The following MGRN1 variants were observed in gnomAD, a reference collection of about 807,000 sequenced individuals.
The protein encoded by MGRN1 is mahogunin ring finger 1.
In MGRN1, 29 loss-of-function variants were observed where a neutral mutation model predicts 69.2. The ratio of observed to expected loss-of-function variants is 0.42; its 90% CI spans 0.31 to 0.57. The LOEUF (loss-of-function observed/expected upper bound fraction) is 0.57, where lower values mean the gene tolerates loss of function less well. MGRN1 is among the 20% of genes least tolerant of loss of function. MGRN1 has a pLI of 0.15. For synonymous variants in MGRN1, 470 were observed against 344.2 expected (o/e 1.37, Z -4.04); for missense variants, 998 against 796.2 (o/e 1.25, Z -3.05).
chr16:4,648,471 T>C (rs112900098), intron 1 of MGRN1, among the ~76,000 whole-genome samples: 827 of 72,306 alleles, frequency 0.011, 57 homozygotes, highest in African/African-American at 0.052. Flanking sequence ...CGTGGTCACC[T>C]GGCTCCTCCT....
intron 1 of MGRN1, among the ~76,000 whole-genome samples, chr16:4,647,459 G>GTTCT (rs906276384): frequency 6.6e-6 from 1 of 152,224 alleles, no homozygotes; most frequent in Non-Finnish European, 1.5e-5. Flanking sequence ...TACTGCAGGT[G>GTTCT]TTCTTTCTTT....
chr16:4,668,204 G>T, intron 7 of MGRN1, 61 bp from the exon 8 acceptor site: 2 of 1,545,248 alleles, frequency 1.3e-6, no homozygotes, highest in South Asian at 2.3e-5. Context: ...AGGCGGCCAC[G>T]CAGGGGTGCT....
chr16:4,627,915 C>T (rs1429931270), intron 1 of MGRN1, among the ~76,000 whole-genome samples: 1 of 149,170 alleles, frequency 6.7e-6, no homozygotes, highest in Non-Finnish European at 1.5e-5. Flanking sequence ...CCCATCTCTA[C>T]CAAAAATACA....
intron 16 of MGRN1, chr16:4,688,271 T>G (rs779673094): frequency 2.9e-5 from 29 of 985,768 alleles, no homozygotes; most frequent in African/African-American, 7.0e-5. Flanking sequence ...CCCGGCGGCG[T>G]CGTGCAGGCC....
chr16:4,682,377 C>T (rs1272914328), intron 13 of MGRN1, among the ~76,000 whole-genome samples: 1 of 152,216 alleles, frequency 6.6e-6, no homozygotes, highest in East Asian at 1.9e-4. Context: ...GCGGCGGCTG[C>T]CAGGGGGACT....
intron 5 of MGRN1, among the ~76,000 whole-genome samples, chr16:4,662,360 C>A (rs756803678): frequency 3.3e-5 from 5 of 151,902 alleles, no homozygotes; most frequent in African/African-American, 4.8e-5. Flanking sequence ...ACTAAAAATA[C>A]AAAAATTTAG....
intron 7 of MGRN1, among the ~76,000 whole-genome samples, chr16:4,666,613 C>T (rs752872237): frequency 1.3e-5 from 2 of 152,158 alleles, no homozygotes; most frequent in Non-Finnish European, 1.5e-5. Flanking sequence ...TTGTTACCTC[C>T]TCGGGCTGTA....
intron 5 of MGRN1, chr16:4,664,498 T>C (rs771711540): frequency 5.0e-6 from 3 of 596,960 alleles, no homozygotes; most frequent in Non-Finnish European, 9.0e-6. Context: ...GTAGTTAAAA[T>C]GGCAGATTTT....
intron 1 of MGRN1, among the ~76,000 whole-genome samples, chr16:4,645,705 C>T (rs539785189): frequency 5.3e-5 from 8 of 152,284 alleles, no homozygotes; most frequent in African/African-American, 1.7e-4. Flanking sequence ...GCTGGATGAG[C>T]TGAGGACTCC....
At chr16:4,686,282 G>T (rs1430848012) in intron 16 of MGRN1, 12 of 1,545,034 alleles carry the variant, frequency 7.8e-6, no homozygotes, top group Non-Finnish European at 9.6e-6. Flanking sequence ...CTCCTGCTCT[G>T]TTGGTATAGA....
chr16:4,659,172 A>G (rs902046030), intron 5 of MGRN1: 1 of 151,792 alleles, frequency 6.6e-6, no homozygotes, highest in Non-Finnish European at 1.5e-5. Flanking sequence ...AAAAAAAAAT[A>G]AAAATAAAAA....
chr16:4,664,971 C>T (rs1298361872), intron 6 of MGRN1, 131 bp from the exon 7 acceptor site: 4 of 1,216,810 alleles, frequency 3.3e-6, no homozygotes, highest in African/African-American at 1.5e-5. Context: ...GGTCCCAGAA[C>T]AGGCTCAGGA....
At chr16:4,672,218 T>C (rs1452332096) in intron 9 of MGRN1, among the ~76,000 whole-genome samples, 1 of 152,148 alleles carries the variant, frequency 6.6e-6, no homozygotes, top group Admixed American at 6.6e-5. Context: ...TTTTAATTTT[T>C]GTATTTTTAG....
intron 8 of MGRN1, among the ~76,000 whole-genome samples, chr16:4,670,601 TC>T (rs1234634120): frequency 1.9e-4 from 29 of 152,254 alleles, no homozygotes; most frequent in African/African-American, 6.8e-4. Flanking sequence ...ATGCCTATGA[TC>T]CCAGCACTAT....
Position 4,652,800 on chromosome 16 carries a change from A to G in MGRN1, c.419A>G (p.Glu140Gly), listed in dbSNP as rs775819143. The G allele has an allele frequency of 1.9e-6, 3 of 1,610,576 alleles. No homozygotes were observed. Among genetic ancestry groups the G allele is most frequent in the African/African-American group, 1.3e-5 (1 of 74,884 alleles). ...VAITIYCQAS[E>G]EFLNGRAVYS... Reference sequence around the variant, plus strand: ...ATCACCATCTACTGCCAGGCATCGGAGGAGTTCCTGAACGGCAGGGCAGTG... The same window carrying G: ...ATCACCATCTACTGCCAGGCATCGGGGGAGTTCCTGAACGGCAGGGCAGTG... The change falls in exon 4 of 17, where the codon GAG becomes GGG. Residue 140 changes from glutamate (E) to glycine (G), a missense_variant. Physicochemically the swap from Glu to Gly is moderately conservative, Grantham distance 98. Transcript: ENST00000262370.
At chr16:4,640,015 C>T (rs1360856883) in intron 1 of MGRN1, 1 of 152,318 alleles carries the variant, frequency 6.6e-6, no homozygotes, top group African/African-American at 2.4e-5. Flanking sequence ...TGTGCTTCGC[C>T]TTTCGCCCGC....
Position 4,648,306 on chromosome 16 carries a change from C to T in MGRN1, c.89-2059C>T, listed in dbSNP as rs113526711. Among the ~76,000 whole-genome samples the T allele has an allele frequency of 1.9e-4, 14 of 75,672 alleles. 1 individual carries two copies. The highest frequency in any genetic ancestry group is 0.011 in the Middle Eastern group (1 of 90). The allele number at this position is 75,672 out of a possible 152,430, so 49.6% of individuals were successfully genotyped here. On this transcript the variant is annotated intron_variant, in intron 1 of 16. Transcript: ENST00000262370. ...CGTGGTCACCCGGCTCCTCCTCCCGCGGGCTCTTCCCGTGGTCACCCGGCT... is the reference window on the plus strand; with the variant it reads ...CGTGGTCACCCGGCTCCTCCTCCCGTGGGCTCTTCCCGTGGTCACCCGGCT...
intron 8 of MGRN1, among the ~76,000 whole-genome samples, chr16:4,669,673 G>A (rs1479965782): frequency 6.6e-6 from 1 of 152,202 alleles, no homozygotes; most frequent in African/African-American, 2.4e-5. Context: ...AACAAAGTCT[G>A]CAACTCCTTC....
At chr16:4,674,626 CTTTTTT>C (rs71139654) in intron 10 of MGRN1, among the ~76,000 whole-genome samples, 1 of 47,254 alleles carries the variant, frequency 2.1e-5, no homozygotes, top group Non-Finnish European at 3.6e-5. Flanking sequence ...CTTTTCTTTT[CTTTTTT>C]TTTTTTTTTT....
Sources: gnomAD v4.1 joint callset for allele counts (sites outside exome capture counted in the v4.1 genomes callset) on GRCh38, gnomAD v4.1.1 for gene constraint, MANE v1.5 for transcripts, NCBI Gene and HGNC (gene_info 2026-07-23, HGNC 2026-07-21) for gene names.